Variants in RFX8 observed in about 807,000 individuals in gnomAD.
The protein encoded by RFX8 is regulatory factor X8, also known as DNA-binding protein RFX8.
RFX8 carries 46 observed loss-of-function variants against 54.6 expected under a neutral mutation model. The ratio of observed to expected loss-of-function variants is 0.84; its 90% confidence interval spans 0.67 to 1.08. The LOEUF is 1.08. Among genes scored for constraint, RFX8 ranks in the 50% least tolerant of loss-of-function variants. The pLI, the probability that RFX8 is intolerant of heterozygous loss-of-function variation, is 0.00. For synonymous variants in RFX8, 192 were observed against 209.5 expected (o/e 0.92, Z 0.72); for missense variants, 536 against 562.3 (o/e 0.95, Z 0.47).
intron 2 of RFX8, among the ~76,000 whole-genome samples, chr2:101,436,101 G>A (rs2148950953): frequency 6.6e-6 from 1 of 152,286 alleles, no homozygotes; most frequent in East Asian, 1.9e-4. Context: ...AGACGGGTGT[G>A]GAGGGAGGAG....
Position 101,422,369 on chromosome 2 carries a change from C to G in RFX8, c.176G>C (p.Cys59Ser). 1 of 1,490,436 alleles carries G rather than the reference C, an allele frequency of 6.7e-7. No homozygotes were observed. The highest frequency in any genetic ancestry group is 9.2e-7 in the Non-Finnish European group (1 of 1,090,894). The allele number at this position is 1,490,436 out of a possible 1,614,324, so 92.3% of individuals were successfully genotyped here. Residue 59 changes from cysteine (C) to serine (S), a missense_variant, in exon 3 of 12, where the codon TGT (cysteine) becomes TCT (serine). By Grantham distance (112) the Cys-to-Ser change is moderately radical. Coordinates refer to ENST00000428343, the MANE Select transcript of RFX8 (RefSeq NM_001145664.2). ...CCATGAGTGCAAACCTACCATATTACAGGAGTATTTCTTTGCCTGTTCTTG... is the reference window on the plus strand; with the variant it reads ...CCATGAGTGCAAACCTACCATATTAGAGGAGTATTTCTTTGCCTGTTCTTG... The part of the protein sequence containing the change: ...LEQEQAKKYS[C>S]NMMAFLADEY...
intron 6 of RFX8, 142 bp from the exon 7 acceptor site, chr2:101,415,054 C>T (rs1686413314): frequency 1.6e-6 from 1 of 630,104 alleles, no homozygotes; most frequent in Non-Finnish European, 2.9e-6. Flanking sequence ...TCTGCTGGCC[C>T]TCTCTGAGTG....
intron 1 of RFX8, among the ~76,000 whole-genome samples, chr2:101,468,108 C>T (rs769019274): frequency 7.9e-5 from 12 of 152,074 alleles, no homozygotes; most frequent in East Asian, 1.9e-4. Context: ...TTAACCCCAC[C>T]GGCTTCCCAG....
At chr2:101,454,045 C>T (rs1276448054) in intron 2 of RFX8, among the ~76,000 whole-genome samples, 2 of 151,640 alleles carry the variant, frequency 1.3e-5, no homozygotes, top group Non-Finnish European at 2.9e-5. Flanking sequence ...CTATCACTGC[C>T]CCAGCCCCCC....
At chr2:101,405,524 T>C (rs1325461045) in intron 10 of RFX8, among the ~76,000 whole-genome samples, 1 of 152,128 alleles carries the variant, frequency 6.6e-6, no homozygotes, top group African/African-American at 2.4e-5. Flanking sequence ...ACCAGGAAGT[T>C]TGCAAAATGA....
intron 5 of RFX8, among the ~76,000 whole-genome samples, chr2:101,418,477 G>C (rs936389634): frequency 6.6e-6 from 1 of 152,176 alleles, no homozygotes; most frequent in East Asian, 1.9e-4. Context: ...TTTAGAGATA[G>C]AGCTTCAACC....
chr2:101,437,605 G>A (rs542575789), intron 2 of RFX8, among the ~76,000 whole-genome samples: 7 of 151,824 alleles, frequency 4.6e-5, no homozygotes, highest in Non-Finnish European at 8.8e-5. Context: ...GGAAAAAAAA[G>A]AGAAAGGAAG....
intron 4 of RFX8, chr2:101,421,334 T>C: frequency 1.0e-6 from 1 of 992,020 alleles, no homozygotes; most frequent in Non-Finnish European, 1.2e-6. Context: ...ATCACTCAGC[T>C]GCGAAGTCCT....
chr2:101,424,754 A>T (rs879702708), intron 2 of RFX8, among the ~76,000 whole-genome samples: 9 of 152,150 alleles, frequency 5.9e-5, no homozygotes, highest in Non-Finnish European at 1.0e-4. Context: ...TTCTGAGCAA[A>T]CTATCGCAAG....
intron 1 of RFX8, among the ~76,000 whole-genome samples, chr2:101,469,065 T>TGTATATATATATGTGTATATATATATAA (rs1689781837): frequency 1.2e-4 from 3 of 24,846 alleles, no homozygotes; most frequent in Admixed American, 5.3e-4. Context: ...CGTATATATA[T>TGTATATATATATGTGTATATATATATAA]GTATATATAT....
chr2:101,451,529 A>C (rs1420782976), intron 2 of RFX8, among the ~76,000 whole-genome samples: 3 of 151,896 alleles, frequency 2.0e-5, no homozygotes, highest in African/African-American at 7.3e-5. Context: ...ATCTACTAAA[A>C]ATACAAAAAA....
chr2:101,457,016 A>T (rs2148981323), intron 2 of RFX8, among the ~76,000 whole-genome samples: 1 of 152,242 alleles, frequency 6.6e-6, no homozygotes, highest in East Asian at 1.9e-4. Flanking sequence ...CTATTCTCTG[A>T]CGGTAGTTTG....
chr2:101,474,200 A>C, intron 1 of RFX8: 1 of 595,396 alleles, frequency 1.7e-6, no homozygotes, highest in Non-Finnish European at 3.0e-6. Flanking sequence ...CTGGCGGCTC[A>C]CCACTGGATG....
chr2:101,459,484 T>G (rs986701537), intron 2 of RFX8, among the ~76,000 whole-genome samples: 2 of 152,258 alleles, frequency 1.3e-5, no homozygotes, highest in Non-Finnish European at 2.9e-5. Context: ...CAGCTGCAGG[T>G]CTGTTGGAGT....
At chr2:101,413,192 A>G in intron 7 of RFX8, 121 bp from the exon 8 acceptor site, 1 of 733,930 alleles carries the variant, frequency 1.4e-6, no homozygotes, top group Non-Finnish European at 2.3e-6. Context: ...TGTGGATATT[A>G]CCCATTAAAA....
chr2:101,462,240 C>T (rs1689324132), intron 2 of RFX8, among the ~76,000 whole-genome samples: 1 of 152,136 alleles, frequency 6.6e-6, no homozygotes, highest in South Asian at 2.1e-4. Context: ...CCAGCCTGGG[C>T]AACTTGGCAA....
chr2:101,433,451 A>G (rs2104619030), intron 2 of RFX8, among the ~76,000 whole-genome samples: 1 of 152,356 alleles, frequency 6.6e-6, no homozygotes, highest in South Asian at 2.1e-4. Context: ...ATTTGTCTAA[A>G]AAAAGTCAGG....
At chr2:101,409,789 C>G (rs542274940) in intron 9 of RFX8, among the ~76,000 whole-genome samples, 1 of 152,264 alleles carries the variant, frequency 6.6e-6, no homozygotes, top group Non-Finnish European at 1.5e-5. Context: ...CATGAGCCAC[C>G]GTGCCTGGCC....
At chr2:101,431,447 A>G (rs1687484375) in intron 2 of RFX8, among the ~76,000 whole-genome samples, 2 of 112,212 alleles carry the variant, frequency 1.8e-5, no homozygotes, top group African/African-American at 5.9e-5. Context: ...AGCTCAGGAG[A>G]GCTGCATTGG....
Sources: gnomAD v4.1 joint callset for allele counts (sites outside exome capture counted in the v4.1 genomes callset) on GRCh38, gnomAD v4.1.1 for gene constraint, MANE v1.5 for transcripts, NCBI Gene and HGNC (gene_info 2026-07-23, HGNC 2026-07-21) for gene names.